Variants in MTFR1 observed in about 807,000 individuals in gnomAD.
MTFR1 encodes chondrocyte protein with a poly-proline region.
A neutral mutation model predicts 38.8 loss-of-function variants in MTFR1; 28 were observed. That is an observed-to-expected ratio of 0.72 (90% CI 0.53 to 0.99). The LOEUF (loss-of-function observed/expected upper bound fraction) is 0.99. Ranked by LOEUF, MTFR1 falls within the 50% of genes least tolerant of loss-of-function variation. The pLI, the probability that MTFR1 is intolerant of heterozygous loss-of-function variation, is 0.00. For missense variants in MTFR1, 358 were observed against 395.5 expected (o/e 0.91, Z 0.81); for synonymous variants, 145 against 137.0 (o/e 1.06, Z -0.41).
chr8:65,712,204 G>GGAT (rs1418941836), downstream of MTFR1, among the ~76,000 whole-genome samples: 1 of 152,212 alleles, frequency 6.6e-6, no homozygotes, highest in Non-Finnish European at 1.5e-5. Flanking sequence ...GGGTGAAAAA[G>GGAT]GATACAGCTA....
chr8:65,767,100 TAC>T, intron 3 of MTFR1, among the ~76,000 whole-genome samples: 1 of 152,344 alleles, frequency 6.6e-6, no homozygotes, highest in East Asian at 1.9e-4. Flanking sequence ...AAATACGTCA[TAC>T]ACTTAGAAGA....
intron 3 of MTFR1, among the ~76,000 whole-genome samples, chr8:65,690,714 T>C (rs890785821): frequency 5.3e-5 from 8 of 152,208 alleles, no homozygotes; most frequent in East Asian, 1.9e-4. Flanking sequence ...AGTCATTATA[T>C]TGGAACAGAA....
At position 65,679,234 on chromosome 8, in the gene MTFR1, T is replaced by C. The variant is rs80310589; in HGVS notation, c.67-3119T>C. 2.3e-3 allele frequency among the ~76,000 whole-genome samples: 352 copies of C among 152,316 alleles called. 8 individuals carry two copies. The East Asian group carries it at 0.055, about 24-fold the overall frequency. On this transcript the variant is annotated intron_variant, in intron 2 of 7. Coordinates refer to ENST00000262146, the MANE Select transcript of MTFR1 (RefSeq NM_014637.4). The stretch of plus-strand genomic sequence containing the variant: ...TTTGACTTGTGACTAAATAGAAGAC[T>C]CAAGAAGAGAAATGACTGAATGGTA...
chr8:65,651,355 C>CT (rs1251525501), intron 1 of MTFR1, among the ~76,000 whole-genome samples: 1 of 152,148 alleles, frequency 6.6e-6, no homozygotes, highest in Non-Finnish European at 1.5e-5. Context: ...ATGTGGGGTG[C>CT]TATTCAAGAA....
At chr8:65,675,966 A>T (rs561579141) in intron 2 of MTFR1, among the ~76,000 whole-genome samples, 25 of 152,230 alleles carry the variant, frequency 1.6e-4, no homozygotes, top group Admixed American at 4.6e-4. Context: ...AGTATTTTAT[A>T]TTGGAAGAAA....
intron 3 of MTFR1, among the ~76,000 whole-genome samples, chr8:65,763,487 C>T (rs558454168): frequency 2.6e-5 from 4 of 152,194 alleles, no homozygotes; most frequent in East Asian, 1.9e-4. Flanking sequence ...ATCACTTGAA[C>T]CCAGGAGGCG....
chr8:65,697,692 A>G (rs1346233305), intron 4 of MTFR1, among the ~76,000 whole-genome samples: 1 of 152,230 alleles, frequency 6.6e-6, no homozygotes, highest in Non-Finnish European at 1.5e-5. Context: ...TAGTTTTTCA[A>G]GAAACTGACA....
chr8:65,756,108 A>T (rs1378948620), intron 3 of MTFR1, among the ~76,000 whole-genome samples: 2 of 152,226 alleles, frequency 1.3e-5, no homozygotes, highest in Non-Finnish European at 2.9e-5. Flanking sequence ...CTGGCCACCA[A>T]GGTTCTTAAT....
chr8:65,726,835 A>G lies in MTFR1; in HGVS notation c.*48+7354A>G, dbSNP rs777257387. 24 of 1,083,938 alleles carry G rather than the reference A, an allele frequency of 2.2e-5. No individual in the cohort carries two copies. In the Admixed American group the frequency reaches 4.1e-4, roughly 19 times the overall value. The allele number at this position is 1,083,938 out of a possible 1,614,324, so 67.1% of individuals were successfully genotyped here. A position where few individuals can be genotyped will look rare whatever the true frequency, so the allele number is the denominator to read the frequency against. On this transcript the variant is annotated intron_variant, in intron 3 of 3. Transcript: ENST00000521247. ...AAATTACTTTGCCAACTTAACTTCT[A>G]TAACCAGTAACAAATTAAATTTGTC...
intron 3 of MTFR1, among the ~76,000 whole-genome samples, chr8:65,755,663 A>C (rs1013839940): frequency 2.6e-5 from 4 of 152,240 alleles, no homozygotes; most frequent in Non-Finnish European, 4.4e-5. Flanking sequence ...TATAAACCAA[A>C]AATATAACAC....
chr8:65,753,970 T>C (rs1165368391), intron 3 of MTFR1, among the ~76,000 whole-genome samples: 1 of 152,132 alleles, frequency 6.6e-6, no homozygotes, highest in East Asian at 1.9e-4. Context: ...ATCTGCATGG[T>C]ATGTTATATT....
chr8:65,655,433 A>C (rs189898026), intron 1 of MTFR1, among the ~76,000 whole-genome samples: 5 of 152,302 alleles, frequency 3.3e-5, no homozygotes, highest in Admixed American at 1.3e-4. Context: ...AAAAAATGAC[A>C]TATGTCCGAT....
chr8:65,670,814 C>T (rs1804549294), intron 2 of MTFR1, among the ~76,000 whole-genome samples: 1 of 151,708 alleles, frequency 6.6e-6, no homozygotes, highest in South Asian at 2.1e-4. Context: ...AAACAATTCT[C>T]CTGCCTCAGC....
chr8:65,777,888 T>C, the MTFR1 span, among the ~76,000 whole-genome samples: 4 of 152,220 alleles, frequency 2.6e-5, no homozygotes, highest in African/African-American at 9.6e-5. Flanking sequence ...TTTCTTTTAA[T>C]GTTACTCTGC....
chr8:65,655,951 A>ATATATATAT (rs1377063247), intron 1 of MTFR1, among the ~76,000 whole-genome samples: 1 of 55,402 alleles, frequency 1.8e-5, no homozygotes, highest in African/African-American at 1.4e-4. Flanking sequence ...TAAAAAAAAA[A>ATATATATAT]ATATATATAT....
At chr8:65,767,305 C>T (rs1808839513) in intron 3 of MTFR1, among the ~76,000 whole-genome samples, 1 of 152,176 alleles carries the variant, frequency 6.6e-6, no homozygotes, top group Non-Finnish European at 1.5e-5. Flanking sequence ...TGATACATTT[C>T]CAACTGCATG....
chr8:65,763,029 G>GTGTC (rs1554562392), intron 3 of MTFR1, among the ~76,000 whole-genome samples: 31 of 146,204 alleles, frequency 2.1e-4, no homozygotes, highest in African/African-American at 6.7e-4. Flanking sequence ...GTGTGTGTGT[G>GTGTC]TGTGTGTGTA....
In MTFR1 at chr8:65,658,635, C is replaced by T. The variant is rs527953117; in HGVS notation, c.-80-11238C>T. Among the ~76,000 whole-genome samples the T allele has an allele frequency of 3.9e-5, 6 of 152,212 alleles. 1 individual carries two copies. Among genetic ancestry groups the T allele is most frequent in the African/African-American group, 1.4e-4 (6 of 41,536 alleles). ...GTGCATGCACATATACACACACACA[C>T]ATTTTCATTGATTCATAAGGAACCT... On this transcript the variant is annotated intron_variant, in intron 1 of 7. Transcript: ENST00000262146.
chr8:65,707,245 G>A lies in MTFR1; in HGVS notation c.753G>A (p.Arg251=), dbSNP rs371323642. 6.2e-7 allele frequency: 1 copy of A among 1,613,796 alleles called. No homozygotes were observed. Among genetic ancestry groups the A allele is most frequent in the Non-Finnish European group, 8.5e-7 (1 of 1,179,964 alleles). Residue 251 remains arginine (R), a synonymous_variant, in exon 6 of 8, where the codon CGG becomes CGA. Transcript: ENST00000262146. ...AAGAGATGAACAGTGTAAAACTTCG[G>A]TCAGTGAAGAGGTGAGGATACATTC... is the stretch of plus-strand genomic sequence containing the variant. ...ILKEMNSVKL[R]SVKRSEQDVK... is the part of the protein sequence containing the mutation.
Sources: allele counts gnomAD v4.1 joint callset (sites outside exome capture counted in the v4.1 genomes callset), GRCh38; gene constraint gnomAD v4.1.1; transcripts MANE v1.5; gene names NCBI Gene and HGNC (gene_info 2026-07-23, HGNC 2026-07-21).